Variants in SPAG16 observed in about 807,000 individuals in gnomAD.
SPAG16 encodes sperm associated antigen 16.
In SPAG16, 86 loss-of-function variants were observed where a neutral mutation model predicts 80.4. The ratio of observed to expected loss-of-function variants is 1.07; its 90% CI spans 0.90 to 1.28. SPAG16 has a LOEUF of 1.28. SPAG16 is among the 50% of genes most tolerant of loss of function. The probability of loss-of-function intolerance (pLI) is 0.00; values close to 1 mark genes in which losing one functional copy is unlikely to be tolerated. For missense variants in SPAG16, 870 were observed against 765.3 expected, an observed-to-expected ratio of 1.14 and a Z score of -1.61; for synonymous variants, 294 against 265.9, an observed-to-expected ratio of 1.11 and a Z score of -1.03.
chr2:213,313,790 GA>G (rs1027296993), intron 4 of SPAG16, among the ~76,000 whole-genome samples: 2 of 151,798 alleles, frequency 1.3e-5, no homozygotes, highest in African/African-American at 4.8e-5. Context: ...TCCTGAGAGG[GA>G]CTGTCTGGTT....
intron 10 of SPAG16, among the ~76,000 whole-genome samples, 194 bp downstream of exon 10, chr2:213,490,284 A>G (rs2074182472): frequency 1.3e-5 from 2 of 152,188 alleles, no homozygotes; most frequent in African/African-American, 2.4e-5. Flanking sequence ...TGGTGGCAGT[A>G]CAGACTAAGT....
At chr2:213,439,728 A>G (rs889255217) in intron 9 of SPAG16, among the ~76,000 whole-genome samples, 1 of 152,246 alleles carries the variant, frequency 6.6e-6, no homozygotes, top group African/African-American at 2.4e-5. Context: ...AAAGTTAGAA[A>G]TGGCTATGAA....
chr2:213,500,708 G>A (rs953148600), intron 10 of SPAG16, among the ~76,000 whole-genome samples: 3 of 152,208 alleles, frequency 2.0e-5, no homozygotes, highest in African/African-American at 7.2e-5. Context: ...GCCTTAGAGT[G>A]GGGTGGTAGG....
intron 9 of SPAG16, among the ~76,000 whole-genome samples, chr2:213,429,471 T>C (rs2070153938): frequency 6.6e-6 from 1 of 152,150 alleles, no homozygotes; most frequent in South Asian, 2.1e-4. Context: ...AGATCAAGTA[T>C]AAACCCTATT....
chr2:214,374,787 G>A (rs999638574), intron 15 of SPAG16, among the ~76,000 whole-genome samples: 6 of 152,084 alleles, frequency 3.9e-5, no homozygotes, highest in African/African-American at 1.4e-4. Flanking sequence ...TACCTCATTC[G>A]ATTAACTAAA....
rs532858903 is a variant in SPAG16 at position 214,011,625 on chromosome 2, G to A, written c.1401-2326G>A. 3.0e-4 allele frequency among the ~76,000 whole-genome samples: 45 copies of A among 152,204 alleles called. No individual in the cohort carries two copies. In the South Asian group the frequency reaches 6.8e-3, roughly 23 times the overall value. ...AAAAATAAGCAGTCAGTTCTGGGTCGTGGTTTGTTGACCCCTGGTATACAC... is the reference window on the plus strand; with the variant it reads ...AAAAATAAGCAGTCAGTTCTGGGTCATGGTTTGTTGACCCCTGGTATACAC... On this transcript the variant is annotated intron_variant, in intron 12 of 15. Transcript: ENST00000331683.
chr2:213,798,017 C>A (rs902855831), intron 10 of SPAG16, among the ~76,000 whole-genome samples: 1 of 152,160 alleles, frequency 6.6e-6, no homozygotes, highest in Admixed American at 6.5e-5. Flanking sequence ...TAGATGTGAA[C>A]GGGGCATGGC....
intron 10 of SPAG16, among the ~76,000 whole-genome samples, chr2:213,542,087 G>T (rs1354594035): frequency 2.6e-5 from 4 of 152,138 alleles, no homozygotes; most frequent in Admixed American, 6.5e-5. Flanking sequence ...AGTTTGATGA[G>T]AATTTTTTTC....
intron 10 of SPAG16, among the ~76,000 whole-genome samples, chr2:213,602,508 C>A (rs2061105756): frequency 6.6e-6 from 1 of 152,168 alleles, no homozygotes; most frequent in Admixed American, 6.5e-5. Flanking sequence ...GTGGTGCACG[C>A]CTGTAATCCC....
chr2:213,933,250 A>G (rs982220594), intron 12 of SPAG16, among the ~76,000 whole-genome samples: 1 of 152,220 alleles, frequency 6.6e-6, no homozygotes, highest in Non-Finnish European at 1.5e-5. Context: ...ATATAACATT[A>G]AGCAGTAAGT....
intron 15 of SPAG16, among the ~76,000 whole-genome samples, chr2:214,184,235 G>T (rs947411183): frequency 6.6e-6 from 1 of 151,412 alleles, no homozygotes; most frequent in Admixed American, 6.6e-5. Context: ...CATAATTCTT[G>T]GTATACCATT....
chr2:213,610,415 C>G (rs1023759505), intron 10 of SPAG16, among the ~76,000 whole-genome samples: 4 of 152,176 alleles, frequency 2.6e-5, no homozygotes, highest in African/African-American at 9.7e-5. Flanking sequence ...CATCTATTCT[C>G]TCCGAGGGCT....
intron 10 of SPAG16, among the ~76,000 whole-genome samples, chr2:213,832,722 T>A (rs941360124): frequency 3.9e-5 from 6 of 152,168 alleles, no homozygotes; most frequent in African/African-American, 1.4e-4. Context: ...TCCAATCACA[T>A]TTTTACACAA....
chr2:214,042,978 C>A (rs1020078419), intron 13 of SPAG16, among the ~76,000 whole-genome samples: 2 of 152,050 alleles, frequency 1.3e-5, no homozygotes, highest in African/African-American at 4.8e-5. Flanking sequence ...AATGAATTTT[C>A]AAATCAGACT....
chr2:214,165,925 T>C (rs2056635958), intron 15 of SPAG16, among the ~76,000 whole-genome samples: 1 of 152,096 alleles, frequency 6.6e-6, no homozygotes, highest in Non-Finnish European at 1.5e-5. Flanking sequence ...AAAGAGGGCA[T>C]TGTTCATATT....
chr2:213,619,775 T>C (rs928373140), intron 10 of SPAG16, among the ~76,000 whole-genome samples: 1 of 152,070 alleles, frequency 6.6e-6, no homozygotes, highest in African/African-American at 2.4e-5. Flanking sequence ...AAACTAACAA[T>C]AAAACTCCCA....
At chr2:213,862,738 C>T in intron 11 of SPAG16, 110 bp downstream of exon 11, 1 of 1,185,482 alleles carries the variant, frequency 8.4e-7, no homozygotes, top group Non-Finnish European at 1.2e-6. Context: ...TGCAACAACA[C>T]ACCCTGCACT....
intron 13 of SPAG16, among the ~76,000 whole-genome samples, chr2:214,082,478 G>A (rs2051448291): frequency 6.6e-6 from 1 of 152,066 alleles, no homozygotes; most frequent in South Asian, 2.1e-4. Flanking sequence ...CCCTGCTTCT[G>A]CTCAGTAATC....
chr2:214,013,365 C>A (rs1213048009), intron 12 of SPAG16, among the ~76,000 whole-genome samples: 1 of 152,048 alleles, frequency 6.6e-6, no homozygotes, highest in Non-Finnish European at 1.5e-5. Flanking sequence ...TTTCTTCTAG[C>A]TGTTTTGTAA....
Sources: gnomAD v4.1 joint callset for allele counts (sites outside exome capture counted in the v4.1 genomes callset) on GRCh38, gnomAD v4.1.1 for gene constraint, MANE v1.5 for transcripts, NCBI Gene and HGNC (gene_info 2026-07-23, HGNC 2026-07-21) for gene names.